The following COL5A1 variants were observed in gnomAD, a reference collection of about 807,000 sequenced individuals.
COL5A1 encodes the protein collagen type V alpha 1 chain, also known as collagen alpha-1(V) chain.
COL5A1 carries 16 observed loss-of-function variants against 263.7 expected under a neutral mutation model. The ratio of observed to expected loss-of-function variants is 0.06; its 90% CI spans 0.04 to 0.09. COL5A1 has a LOEUF of 0.09. COL5A1 is among the 10% of genes least tolerant of loss of function. The pLI, the probability that COL5A1 is intolerant of heterozygous loss-of-function variation, is 1.00. For synonymous variants in COL5A1, 1,012 were observed against 1,004.5 expected (o/e 1.01, Z -0.14); for missense variants, 2,036 against 2,540.5 (o/e 0.80, Z 4.27).
At position 134,813,497 on chromosome 9, in the gene COL5A1, G is replaced by A. The variant is rs572859981; in HGVS notation, c.3853-486G>A. 5.4e-4 allele frequency among the ~76,000 whole-genome samples: 82 copies of A among 152,342 alleles called. 1 individual carries two copies. The highest frequency in any genetic ancestry group is 1.9e-3 in the African/African-American group (78 of 41,570). On this transcript the variant is annotated intron_variant, in intron 48 of 65. Coordinates refer to ENST00000371817, the MANE Select transcript of COL5A1 (RefSeq NM_000093.5). ...TGCTGAGACCACAGGGTGATGGTGT[G>A]CGGCTTCTGCTCAGAGAGGCGGTGT...
intron 1 of COL5A1, among the ~76,000 whole-genome samples, chr9:134,648,304 A>AATATATATATATATATATATATAAT (rs58079380): frequency 4.6e-4 from 54 of 116,752 alleles, no homozygotes; most frequent in African/African-American, 1.5e-3. Flanking sequence ...ATATATATAT[A>AATATATATATATATATATATATAAT]ATATATATAT....
Position 134,777,053 on chromosome 9 carries a change from A to G in COL5A1, c.2385+2141A>G, listed in dbSNP as rs564930024. ...CCATATGAGTTTTTGGTGGACACAG[A>G]CATTCAGGCCACAGCAGGCTCGTGT... On this transcript the variant is annotated intron_variant, in intron 27 of 65. Transcript: ENST00000371817. Among the ~76,000 whole-genome samples the G allele has an allele frequency of 2.6e-5, 4 of 152,340 alleles. No individual in the cohort carries two copies. In the East Asian group the frequency reaches 7.7e-4, roughly 29 times the overall value.
chr9:134,741,681 C>T lies in COL5A1; in HGVS notation c.1494+2873C>T, dbSNP rs1378558617. ...AGGGGAGGTAAGAGAACTCTTCTTG[C>T]GTCCGTCGATTCTTACTTGGCTTCA... On this transcript the variant is annotated intron_variant, in intron 11 of 65. Transcript: ENST00000371817. This position sits in a 1 kb window ranked among gnomAD's most constrained non-coding sequence, Gnocchi z 4.5. Among the ~76,000 whole-genome samples the T allele has an allele frequency of 2.6e-5, 4 of 152,128 alleles. No homozygotes were observed. Among genetic ancestry groups the T allele is most frequent in the African/African-American group, 9.7e-5 (4 of 41,410 alleles).
Position 134,642,265 on chromosome 9 carries a change from G to A in COL5A1, c.78G>A (p.Leu26=). ...CGCTGCTGCCCCCGCTGCTGCTGCT[G>A]CTGCTGTGGGCGCCGCCTCCGAGCC... is the stretch of plus-strand genomic sequence containing the variant. ...GAPLLPPLLL[L]LLWAPPPSRA... Residue 26 remains leucine, a synonymous_variant, in exon 1 of 66, where the codon CTG becomes CTA. Transcript: ENST00000371817. This position sits in a 1 kb window ranked among gnomAD's most constrained non-coding sequence, Gnocchi z 4.5. 1.6e-6 allele frequency: 2 copies of A among 1,220,514 alleles called. No individual in the cohort carries two copies. The highest frequency in any genetic ancestry group is 3.9e-5 in the Admixed American group (1 of 25,526). 75.6% of individuals were successfully genotyped at this position (1,220,514 alleles called of 1,614,324 possible). A position where few individuals can be genotyped will look rare whatever the true frequency, so the allele number is the denominator to read the frequency against.
In COL5A1 at chr9:134,785,722, C is replaced by T. The variant is rs141782203; in HGVS notation, c.2593-273C>T. On this transcript the variant is annotated intron_variant, in intron 30 of 65. Coordinates refer to ENST00000371817, the MANE Select transcript of COL5A1 (RefSeq NM_000093.5). ...CTGAGTTGAGGCATTTGCCTCTAAT[C>T]GCTTTGCTCCACAGTGGCAAGACCT... 3.3e-5 allele frequency among the ~76,000 whole-genome samples: 5 copies of T among 152,348 alleles called. No individual in the cohort carries two copies. In the East Asian group the frequency reaches 5.8e-4, roughly 18 times the overall value.
chr9:134,731,430 G>A, intron 7 of COL5A1, 66 bp from the exon 8 acceptor site: 2 of 1,542,230 alleles, frequency 1.3e-6, no homozygotes, highest in Non-Finnish European at 8.9e-7. Context: ...CCCGCCCAGG[G>A]CCTGATGGAG....
chr9:134,841,085 AG>A lies in COL5A1; in HGVS notation c.5371-1069del, dbSNP rs1327903424. Among the ~76,000 whole-genome samples, 1 of 152,116 alleles carries A rather than the reference AG, an allele frequency of 6.6e-6. No homozygotes were observed. Among genetic ancestry groups the A allele is most frequent in the South Asian group, 2.1e-4 (1 of 4,826 alleles). ...CTGGGGTCACTGCCTCCCATCCGGG[AG>A]GGAACCCTGGCTGGCCCCTACTTGT... On this transcript the variant is annotated intron_variant, in intron 65 of 65. Transcript: ENST00000371817. This position sits in a 1 kb window ranked among gnomAD's most constrained non-coding sequence, Gnocchi z 4.8.
Position 134,840,630 on chromosome 9 carries a change from C to T in COL5A1, c.5371-1527C>T, listed in dbSNP as rs912030090. On this transcript the variant is annotated intron_variant, in intron 65 of 65. Coordinates refer to ENST00000371817, the MANE Select transcript of COL5A1 (RefSeq NM_000093.5). ...TCTGTCTTAGGTCCATTCGCTGCCA[C>T]GACAAATCTCGCCAGCTGCGTGGCT... Among the ~76,000 whole-genome samples the T allele has an allele frequency of 5.9e-5, 9 of 152,288 alleles. No individual in the cohort carries two copies. In the South Asian group the frequency reaches 8.3e-4, roughly 14 times the overall value.
intron 24 of COL5A1, 64 bp from the exon 25 acceptor site, chr9:134,768,346 C>T (rs554517119): frequency 1.4e-6 from 2 of 1,397,782 alleles, no homozygotes; most frequent in Middle Eastern, 3.5e-4. Flanking sequence ...ACCTTGGTGG[C>T]CGACGGAGAG....
chr9:134,759,983 G>GCA (rs1836247612), intron 18 of COL5A1, among the ~76,000 whole-genome samples: 1 of 56,466 alleles, frequency 1.8e-5, no homozygotes, highest in Non-Finnish European at 3.2e-5. Context: ...GCACACACAT[G>GCA]CACACCCACA....
At chr9:134,785,853 T>G in intron 30 of COL5A1, 142 bp from the exon 31 acceptor site, 1 of 756,836 alleles carries the variant, frequency 1.3e-6, no homozygotes, top group South Asian at 1.5e-5. Flanking sequence ...GCAGGGCTTC[T>G]GCATAATGAC....
intron 1 of COL5A1, among the ~76,000 whole-genome samples, chr9:134,683,662 T>C (rs1199688491): frequency 6.6e-6 from 1 of 152,156 alleles, no homozygotes; most frequent in Non-Finnish European, 1.5e-5. Context: ...GTGTGTGGGC[T>C]CCTGTGCAGG....
intron 64 of COL5A1, among the ~76,000 whole-genome samples, chr9:134,834,024 A>G (rs549977266): frequency 7.9e-5 from 12 of 152,264 alleles, no homozygotes; most frequent in African/African-American, 2.6e-4. Context: ...ACCTCCTGCC[A>G]GGTGGGGAGT....
At position 134,767,068 on chromosome 9, in the gene COL5A1, G is replaced by A. The variant is rs1836698565; in HGVS notation, c.2187+15G>A. On this transcript the variant is annotated intron_variant, in intron 23 of 65. Transcript: ENST00000371817. The stretch of plus-strand genomic sequence containing the variant: ...CAGGCGCCCAGGTAAGTGAGCCTGA[G>A]AGAGGCAGCTCGCAGGGATCCGGCC... 3.7e-6 allele frequency: 6 copies of A among 1,612,586 alleles called. No individual in the cohort carries two copies. Among genetic ancestry groups the A allele is most frequent in the Non-Finnish European group, 5.1e-6 (6 of 1,179,660 alleles).
At position 134,680,613 on chromosome 9, in the gene COL5A1, G is replaced by A. The variant is rs1832824242; in HGVS notation, c.110-10299G>A. On this transcript the variant is annotated intron_variant, in intron 1 of 65. Transcript: ENST00000371817. This position sits in a 1 kb window ranked among gnomAD's most constrained non-coding sequence, Gnocchi z 5.9. ...GTCCTGAAGTGCAAAAGGCCTTGAG[G>A]TGGGGCCCCAGGGGCTTGGGGAGGG... Among the ~76,000 whole-genome samples the A allele has an allele frequency of 1.3e-5, 2 of 152,196 alleles. No individual in the cohort carries two copies. Among genetic ancestry groups the A allele is most frequent in the Admixed American group, 1.3e-4 (2 of 15,290 alleles).
intron 1 of COL5A1, among the ~76,000 whole-genome samples, chr9:134,685,599 C>T (rs1387044180): frequency 6.9e-6 from 1 of 145,704 alleles, no homozygotes; most frequent in African/African-American, 2.6e-5. Flanking sequence ...ATCCATCCAT[C>T]CATCCATCAT....
In COL5A1 at chr9:134,741,527, T is replaced by C. The variant is rs892827212; in HGVS notation, c.1494+2719T>C. Reference sequence around the variant, plus strand: ...ATTAAGGTTATCTTGGCAAAGTCTGTTGATGCAGATTCACTGGGGGCTGGC... The same window carrying C: ...ATTAAGGTTATCTTGGCAAAGTCTGCTGATGCAGATTCACTGGGGGCTGGC... On this transcript the variant is annotated intron_variant, in intron 11 of 65. Transcript: ENST00000371817. This position sits in a 1 kb window ranked among gnomAD's most constrained non-coding sequence, Gnocchi z 4.5. Among the ~76,000 whole-genome samples, 1 of 152,006 alleles carries C rather than the reference T, an allele frequency of 6.6e-6. No homozygotes were observed. Among genetic ancestry groups the C allele is most frequent in the African/African-American group, 2.4e-5 (1 of 41,358 alleles).
In COL5A1 at chr9:134,780,096, G is replaced by T. The variant is rs373383768; in HGVS notation, c.2386-6G>T. On this transcript the variant is annotated splice_polypyrimidine_tract_variant and splice_region_variant and intron_variant, in intron 27 of 65. Transcript: ENST00000371817. Reference sequence around the variant, plus strand: ...TTCACTCCTTTTTCTTTTCCCACCCGCACAGGGGGCCGATGGCATCCGTGG... The same window carrying T: ...TTCACTCCTTTTTCTTTTCCCACCCTCACAGGGGGCCGATGGCATCCGTGG... 3.1e-6 allele frequency: 5 copies of T among 1,613,402 alleles called. No homozygotes were observed. Among genetic ancestry groups the T allele is most frequent in the African/African-American group, 2.7e-5 (2 of 75,014 alleles).
At chr9:134,764,005 T>C in intron 20 of COL5A1, among the ~76,000 whole-genome samples, 1 of 90,982 alleles carries the variant, frequency 1.1e-5, no homozygotes, top group African/African-American at 4.6e-5. Flanking sequence ...AGGGGCAGCG[T>C]GGTGGGGTCT....
Sources: allele counts gnomAD v4.1 joint callset (sites outside exome capture counted in the v4.1 genomes callset), GRCh38; gene constraint gnomAD v4.1.1; non-coding constraint Gnocchi (gnomAD v3.1); transcripts MANE v1.5; gene names NCBI Gene and HGNC (gene_info 2026-07-23, HGNC 2026-07-21).